Variants in COL25A1 observed in about 807,000 individuals in gnomAD.
The protein encoded by COL25A1 is collagen alpha-1(XXV) chain.
Under a neutral mutation model 128.4 loss-of-function variants are expected in COL25A1, and 103 were observed. The ratio of observed to expected loss-of-function variants is 0.80; its 90% CI spans 0.68 to 0.94. COL25A1 has a LOEUF of 0.94. Among genes scored for constraint, COL25A1 ranks in the 40% least tolerant of loss-of-function variants. The pLI, the probability that COL25A1 is intolerant of heterozygous loss-of-function variation, is 0.00. For missense variants in COL25A1, 745 were observed against 840.0 expected, an observed-to-expected ratio of 0.89 and a Z score of 1.40; for synonymous variants, 279 against 277.2, an observed-to-expected ratio of 1.01 and a Z score of -0.06.
chr4:109,009,325 A>G lies in COL25A1; in HGVS notation c.438+1033T>C, dbSNP rs1167901913. Among the ~76,000 whole-genome samples, 7 of 152,208 alleles carry G rather than the reference A, an allele frequency of 4.6e-5. No homozygotes were observed. The East Asian group carries it at 1.3e-3, about 29-fold the overall frequency. On this transcript the variant is annotated intron_variant, in intron 6 of 37. Coordinates refer to ENST00000399132, the MANE Select transcript of COL25A1 (RefSeq NM_198721.4). ...AATCACAAATAATGAGAATATAGGT[A>G]TTTTCAGATATCAATATAAGTTAAT...
At chr4:108,863,948 A>G (rs1349007418) in intron 20 of COL25A1, among the ~76,000 whole-genome samples, 1 of 152,126 alleles carries the variant, frequency 6.6e-6, no homozygotes, top group Non-Finnish European at 1.5e-5. Context: ...ACTTGGACCG[A>G]GCCATGCTAC....
At chr4:109,036,769 A>G (rs1759401825) in intron 5 of COL25A1, among the ~76,000 whole-genome samples, 1 of 152,226 alleles carries the variant, frequency 6.6e-6, no homozygotes, top group Non-Finnish European at 1.5e-5. Flanking sequence ...ATATACATTC[A>G]GTCATTACCA....
intron 2 of COL25A1, 116 bp downstream of exon 2, chr4:109,301,607 C>G: frequency 1.7e-6 from 2 of 1,177,674 alleles, no homozygotes; most frequent in Non-Finnish European, 1.2e-6. Context: ...TGCACGCGCG[C>G]GCACACACAC....
rs539715077 is a variant in COL25A1, at chr4:109,215,690, T to C, written c.367+84893A>G. Among the ~76,000 whole-genome samples the C allele has an allele frequency of 2.0e-5, 3 of 152,234 alleles. 1 individual carries two copies. The highest frequency in any genetic ancestry group is 7.2e-5 in the African/African-American group (3 of 41,548). The stretch of plus-strand genomic sequence containing the variant: ...TGTTACCTAAGAATGCCTTCCACAT[T>C]GTATCAGGATTTCAGAGAAAGTCCC... On this transcript the variant is annotated intron_variant, in intron 3 of 37. Transcript: ENST00000399132.
At chr4:108,978,896 C>T (rs1752689651) in intron 6 of COL25A1, among the ~76,000 whole-genome samples, 1 of 152,170 alleles carries the variant, frequency 6.6e-6, no homozygotes, top group Admixed American at 6.5e-5. Context: ...ATCCAATAGT[C>T]AGATCTTTTA....
intron 6 of COL25A1, among the ~76,000 whole-genome samples, chr4:109,007,616 A>G (rs2126040363): frequency 6.6e-6 from 1 of 152,322 alleles, no homozygotes; most frequent in South Asian, 2.1e-4. Flanking sequence ...AATGATCATG[A>G]GATTTCACAT....
At chr4:109,063,062 C>T (rs2125968173) in intron 3 of COL25A1, among the ~76,000 whole-genome samples, 1 of 152,092 alleles carries the variant, frequency 6.6e-6, no homozygotes, top group East Asian at 1.9e-4. Flanking sequence ...AGATGCAAGG[C>T]CTAAAACAAA....
At chr4:109,249,420 C>T (rs537932358) in intron 3 of COL25A1, among the ~76,000 whole-genome samples, 36 of 148,362 alleles carry the variant, frequency 2.4e-4, no homozygotes, top group African/African-American at 8.8e-4. Context: ...CTTAGCCCAA[C>T]ACAGTTAGAT....
intron 13 of COL25A1, among the ~76,000 whole-genome samples, chr4:108,915,118 C>A (rs555425063): frequency 6.6e-6 from 1 of 152,286 alleles, no homozygotes; most frequent in South Asian, 2.1e-4. Flanking sequence ...AGATTGGAGT[C>A]TAATGCCATG....
chr4:109,089,012 T>TA (rs1309798674), intron 3 of COL25A1, among the ~76,000 whole-genome samples: 1 of 152,162 alleles, frequency 6.6e-6, no homozygotes, highest in African/African-American at 2.4e-5. Context: ...CACTCTTTAC[T>TA]AAAAAACTTT....
chr4:108,837,001 C>T (rs981458604), intron 31 of COL25A1, among the ~76,000 whole-genome samples: 8 of 152,106 alleles, frequency 5.3e-5, no homozygotes, highest in African/African-American at 1.9e-4. Context: ...ATTGCTTGAA[C>T]CTGGGAGATG....
At chr4:109,140,856 A>T (rs1463643704) in intron 3 of COL25A1, among the ~76,000 whole-genome samples, 1 of 152,180 alleles carries the variant, frequency 6.6e-6, no homozygotes, top group African/African-American at 2.4e-5. Context: ...GGTTTTCTAA[A>T]TATGCAATCG....
intron 3 of COL25A1, among the ~76,000 whole-genome samples, chr4:109,084,580 T>C (rs1764191329): frequency 6.6e-6 from 1 of 152,220 alleles, no homozygotes; most frequent in Non-Finnish European, 1.5e-5. Flanking sequence ...CCTAAGCTAC[T>C]TTTTATATTA....
chr4:109,162,279 A>G (rs528654000), intron 3 of COL25A1, among the ~76,000 whole-genome samples: 1 of 152,336 alleles, frequency 6.6e-6, no homozygotes, highest in South Asian at 2.1e-4. Flanking sequence ...AGGCCCAAAA[A>G]TAGAAATTAG....
chr4:108,834,839 A>G (rs1037415956), intron 31 of COL25A1, among the ~76,000 whole-genome samples: 5 of 152,236 alleles, frequency 3.3e-5, no homozygotes, highest in African/African-American at 7.2e-5. Context: ...AGAGGAGAAG[A>G]AAGAGCTCTG....
rs185623523 is a variant in COL25A1 at position 108,916,087 on chromosome 4, T to C, written c.780+2085A>G. On this transcript the variant is annotated intron_variant, in intron 13 of 37. Coordinates refer to ENST00000399132, the MANE Select transcript of COL25A1 (RefSeq NM_198721.4). ...GGAGACTCGTGTTTTTTACACTTTCTTTTCCTAAAAATGATATAGCAAATA... is the reference window on the plus strand; with the variant it reads ...GGAGACTCGTGTTTTTTACACTTTCCTTTCCTAAAAATGATATAGCAAATA... Among the ~76,000 whole-genome samples the C allele has an allele frequency of 1.7e-3, 257 of 152,344 alleles. 2 individuals carry two copies. The highest frequency in any genetic ancestry group is 5.9e-3 in the African/African-American group (247 of 41,594).
chr4:109,226,420 T>C (rs1035029866), intron 3 of COL25A1, among the ~76,000 whole-genome samples: 2 of 152,182 alleles, frequency 1.3e-5, no homozygotes, highest in Non-Finnish European at 2.9e-5. Flanking sequence ...ATGTTTCATA[T>C]TAACTTTCCC....
At chr4:109,201,780 G>T (rs1776574724) in intron 3 of COL25A1, among the ~76,000 whole-genome samples, 1 of 152,152 alleles carries the variant, frequency 6.6e-6, no homozygotes, top group African/African-American at 2.4e-5. Flanking sequence ...AAGCAATTAT[G>T]GCAAGGTTGC....
chr4:109,252,937 C>T (rs1780763307), intron 3 of COL25A1, among the ~76,000 whole-genome samples: 1 of 152,166 alleles, frequency 6.6e-6, no homozygotes, highest in Admixed American at 6.5e-5. Context: ...TTCTGTGAGG[C>T]CATAGGCACA....
Sources: allele counts gnomAD v4.1 joint callset (sites outside exome capture counted in the v4.1 genomes callset), GRCh38; gene constraint gnomAD v4.1.1; transcripts MANE v1.5; gene names NCBI Gene and HGNC (gene_info 2026-07-23, HGNC 2026-07-21).